Variants in FAM228B observed in about 807,000 individuals in gnomAD.
FAM228B encodes protein FAM228B.
A neutral mutation model predicts 42.6 loss-of-function variants in FAM228B; 38 were observed. The ratio of observed to expected loss-of-function variants is 0.89; its 90% CI spans 0.69 to 1.17. FAM228B has a LOEUF of 1.17. Ranked by LOEUF, FAM228B falls within the 50% of genes most tolerant of loss-of-function variation. The pLI, the probability that FAM228B is intolerant of heterozygous loss-of-function variation, is 0.00. For synonymous variants in FAM228B, 109 were observed against 122.3 expected (o/e 0.89, Z 0.72); for missense variants, 344 against 367.3 (o/e 0.94, Z 0.52).
chr2:24,161,464 A>G (rs1049441247), intron 7 of FAM228B, 42 bp from the exon 8 acceptor site: 3 of 1,209,772 alleles, frequency 2.5e-6, no homozygotes. Flanking sequence ...CAACAATAAA[A>G]AAGAACAAAA....
intron 3 of FAM228B, among the ~76,000 whole-genome samples, chr2:24,105,842 A>C (rs888940045): frequency 6.6e-6 from 1 of 152,228 alleles, no homozygotes; most frequent in Non-Finnish European, 1.5e-5. Context: ...ACAGCGGAAT[A>C]GACCAAGCTG....
intron 3 of FAM228B, among the ~76,000 whole-genome samples, chr2:24,097,744 G>C (rs977010907): frequency 2.0e-5 from 3 of 152,096 alleles, no homozygotes; most frequent in Admixed American, 2.0e-4. Context: ...GGTTAACAAG[G>C]ATATCCAGGA....
chr2:24,103,864 G>C (rs1665653010), intron 3 of FAM228B, among the ~76,000 whole-genome samples: 1 of 152,122 alleles, frequency 6.6e-6, no homozygotes, highest in South Asian at 2.1e-4. Flanking sequence ...ATTGGCATGG[G>C]GGCTGAACCC....
At chr2:24,122,623 GAC>G, upstream of FAM228B, 1 of 841,506 alleles carries the variant, frequency 1.2e-6, no homozygotes, top group East Asian at 2.4e-5. Context: ...ATGTCCTTAA[GAC>G]ACTGCAGACA....
intron 7 of FAM228B, among the ~76,000 whole-genome samples, chr2:24,160,084 G>T (rs1667252824): frequency 6.6e-6 from 1 of 151,644 alleles, no homozygotes; most frequent in African/African-American, 2.4e-5. Flanking sequence ...GATCTCCTGG[G>T]CTCAAGTGAT....
intron 2 of FAM228B, among the ~76,000 whole-genome samples, chr2:24,129,202 A>G (rs142289924): frequency 2.6e-5 from 4 of 151,964 alleles, no homozygotes; most frequent in Admixed American, 2.0e-4. Flanking sequence ...CCACTCCTCA[A>G]TTCAGGCAGA....
intron 3 of FAM228B, chr2:24,096,882 G>A (rs531017318): frequency 6.6e-6 from 1 of 152,308 alleles, no homozygotes; most frequent in African/African-American, 2.4e-5. Context: ...GGCAGCCAAA[G>A]AGAAAGGTTG....
At chr2:24,111,319 C>T (rs1188171370) in intron 3 of FAM228B, among the ~76,000 whole-genome samples, 4 of 152,136 alleles carry the variant, frequency 2.6e-5, no homozygotes, top group Non-Finnish European at 5.9e-5. Flanking sequence ...TTTAGCCTCC[C>T]GAGTGCTGGG....
intron 2 of FAM228B, chr2:24,083,048 C>T (rs1304531209): frequency 6.2e-7 from 1 of 1,614,200 alleles, no homozygotes; most frequent in Admixed American, 1.7e-5. Flanking sequence ...TGTCCCCGAT[C>T]TTCCAGTGTC....
At chr2:24,087,478 C>T (rs1665286503) in intron 2 of FAM228B, 1 of 152,106 alleles carries the variant, frequency 6.6e-6, no homozygotes, top group Non-Finnish European at 1.5e-5. Flanking sequence ...AATAACAAAC[C>T]CTTATAAGCA....
chr2:24,107,325 T>C (rs146849885), intron 3 of FAM228B, among the ~76,000 whole-genome samples: 20 of 152,244 alleles, frequency 1.3e-4, no homozygotes, highest in African/African-American at 3.9e-4. Flanking sequence ...CACACAATAA[T>C]AATGGGAGAC....
upstream of FAM228B, among the ~76,000 whole-genome samples, chr2:24,120,872 CTTT>C (rs35518003): frequency 8.5e-5 from 12 of 141,794 alleles, no homozygotes; most frequent in Admixed American, 1.4e-4. Context: ...ATGATTATCT[CTTT>C]TTTTTTTTTT....
chr2:24,103,568 G>A (rs1040925693), intron 3 of FAM228B, among the ~76,000 whole-genome samples: 6 of 152,168 alleles, frequency 3.9e-5, no homozygotes, highest in African/African-American at 1.4e-4. Context: ...ATTATAGGAG[G>A]CAACTGGAAT....
intron 2 of FAM228B, among the ~76,000 whole-genome samples, chr2:24,092,131 T>C (rs1310306962): frequency 7.5e-6 from 1 of 133,356 alleles, no homozygotes; most frequent in Non-Finnish European, 1.5e-5. Context: ...GGCTGGGAGA[T>C]GGAAAGATCA....
upstream of FAM228B, chr2:24,122,694 T>C: frequency 3.6e-6 from 2 of 562,258 alleles, no homozygotes; most frequent in Admixed American, 3.2e-5. Flanking sequence ...TGGTCCATCA[T>C]TCAGGGCCCA....
chr2:24,084,373 G>C lies in FAM228B; in HGVS notation c.-210+3418G>C. 3.6e-6 allele frequency: 5 copies of C among 1,391,524 alleles called. No individual in the cohort carries two copies. The highest frequency in any genetic ancestry group is 5.0e-6 in the Non-Finnish European group (5 of 997,124). The allele number at this position is 1,391,524 out of a possible 1,614,324, so 86.2% of individuals were successfully genotyped here. A position where few individuals can be genotyped will look rare whatever the true frequency, so the allele number is the denominator to read the frequency against. ...GGGCAGGGCAGGACAGGACAGGGCA[G>C]GGCAGGGCAGGACAGGACAGGGCAG... On this transcript the variant is annotated intron_variant, in intron 2 of 10. Coordinates refer to the FAM228B transcript ENST00000613899. This position sits in a 1 kb window ranked among gnomAD's most constrained non-coding sequence, Gnocchi z 8.4.
At chr2:24,109,547 C>A (rs1665754826) in intron 3 of FAM228B, among the ~76,000 whole-genome samples, 1 of 152,148 alleles carries the variant, frequency 6.6e-6, no homozygotes, top group African/African-American at 2.4e-5. Flanking sequence ...ATACATCTGA[C>A]AAAGGTCTAA....
chr2:24,119,744 G>T (rs904171576), upstream of FAM228B: 7 of 1,249,416 alleles, frequency 5.6e-6, no homozygotes, highest in Non-Finnish European at 8.0e-6. Context: ...CAGTGGTCAT[G>T]CTCCAGCTAC....
At position 24,079,593 on chromosome 2, in the gene FAM228B, C is replaced by T. The variant is rs35176319; in HGVS notation, c.-289-1283C>T. 3.8e-4 allele frequency: 620 copies of T among 1,614,136 alleles called. 3 individuals are homozygous for T. In the African/African-American group the frequency reaches 6.7e-3, roughly 18 times the overall value. ...AGAGCCAGGCAGTTGACGTTCTTCTCCCAGTAGGATCCGCCTATGCAGTCT... is the reference window on the plus strand; with the variant it reads ...AGAGCCAGGCAGTTGACGTTCTTCTTCCAGTAGGATCCGCCTATGCAGTCT... On this transcript the variant is annotated intron_variant, in intron 1 of 10. Transcript: ENST00000613899.
Sources: gnomAD v4.1 joint callset for allele counts (sites outside exome capture counted in the v4.1 genomes callset) on GRCh38, gnomAD v4.1.1 for gene constraint, Gnocchi (gnomAD v3.1) non-coding constraint, MANE v1.5 for transcripts, NCBI Gene and HGNC (gene_info 2026-07-23, HGNC 2026-07-21) for gene names.